The following PCMT1 variants were observed in gnomAD, a reference collection of about 807,000 sequenced individuals.
PCMT1 encodes the protein protein-L-isoaspartate (D-aspartate) O-methyltransferase, also known as protein-L-isoaspartate(D-aspartate) O-methyltransferase.
A neutral mutation model predicts 29.2 loss-of-function variants in PCMT1; 9 were observed. The ratio of observed to expected loss-of-function variants is 0.31; its 90% CI spans 0.19 to 0.54. The LOEUF is 0.54. Among genes scored for constraint, PCMT1 ranks in the 20% least tolerant of loss-of-function variants. The probability of loss-of-function intolerance (pLI) is 0.95; values close to 1 mark genes in which losing one functional copy is unlikely to be tolerated. For synonymous variants in PCMT1, 98 were observed against 97.5 expected, an observed-to-expected ratio of 1.00 and a Z score of -0.03; for missense variants, 184 against 282.2, an observed-to-expected ratio of 0.65 and a Z score of 2.49.
intron 1 of PCMT1, among the ~76,000 whole-genome samples, chr6:149,755,535 G>A (rs1228289827): frequency 6.6e-6 from 1 of 152,156 alleles, no homozygotes; most frequent in African/African-American, 2.4e-5. Context: ...TGGGTAAAGG[G>A]AAACTACTGT....
chr6:149,765,616 T>C (rs956954254), intron 1 of PCMT1: 17 of 320,506 alleles, frequency 5.3e-5, no homozygotes, highest in Non-Finnish European at 8.9e-5. Flanking sequence ...AAAGTTTGTA[T>C]TTATACCCTT....
At chr6:149,801,067 A>T (rs149218209) in intron 6 of PCMT1, among the ~76,000 whole-genome samples, 4 of 152,224 alleles carry the variant, frequency 2.6e-5, no homozygotes, top group African/African-American at 7.2e-5. Flanking sequence ...TAATATAACA[A>T]TCAAAGTATG....
chr6:149,749,825 T>A lies in PCMT1; in HGVS notation c.-77T>A, dbSNP rs1183924872. On this transcript the variant is annotated 5_prime_UTR_variant, in exon 1 of 8. Coordinates refer to ENST00000464889, the MANE Select transcript of PCMT1 (RefSeq NM_001360452.2). ...GGGGCGGTGACGGTGTGGGAGGTGG[T>A]CTCACTCTTGGGAAAACTGCTGGGC... The A allele has an allele frequency of 6.4e-7, 1 of 1,560,524 alleles. No individual in the cohort carries two copies. The highest frequency in any genetic ancestry group is 8.7e-7 in the Non-Finnish European group (1 of 1,151,794).
At chr6:149,771,127 C>T (rs371406788) in intron 1 of PCMT1, 35 bp from the exon 2 acceptor site, 11 of 1,184,496 alleles carry the variant, frequency 9.3e-6, no homozygotes, top group Non-Finnish European at 1.4e-5. Flanking sequence ...GATCATGTCT[C>T]TCTCTTCTGA....
chr6:149,784,873 A>G (rs1787957780), intron 3 of PCMT1, among the ~76,000 whole-genome samples: 1 of 152,210 alleles, frequency 6.6e-6, no homozygotes. Context: ...CATAAACTAC[A>G]ATGTCATTAT....
At chr6:149,767,944 C>T (rs1459211787) in intron 1 of PCMT1, among the ~76,000 whole-genome samples, 1 of 151,958 alleles carries the variant, frequency 6.6e-6, no homozygotes, top group Admixed American at 6.6e-5. Context: ...CAGGTGCGCA[C>T]CACCACACCC....
At chr6:149,755,774 C>T (rs1467068289) in intron 1 of PCMT1, among the ~76,000 whole-genome samples, 5 of 152,144 alleles carry the variant, frequency 3.3e-5, no homozygotes, top group African/African-American at 1.2e-4. Context: ...ACATCCACTC[C>T]CTCTTGTAGC....
chr6:149,762,943 ATATC>A lies in PCMT1; in HGVS notation c.56-8215_56-8212del, dbSNP rs530455830. Among the ~76,000 whole-genome samples, 3 of 48,768 alleles carry A rather than the reference ATATC, an allele frequency of 6.2e-5. 1 individual carries two copies. Among genetic ancestry groups the A allele is most frequent in the Non-Finnish European group, 8.6e-5 (3 of 34,688 alleles). 32.0% of individuals were successfully genotyped at this position (48,768 alleles called of 152,430 possible). ...TATATCTATGATATATATGATATATATATCTATGATATGTATATCTATGATATAT... is the reference window on the plus strand; with the variant it reads ...TATATCTATGATATATATGATATATATATGATATGTATATCTATGATATAT... On this transcript the variant is annotated intron_variant, in intron 1 of 7. Coordinates refer to ENST00000464889, the MANE Select transcript of PCMT1 (RefSeq NM_001360452.2).
At chr6:149,777,641 T>C (rs2342860) in intron 3 of PCMT1, among the ~76,000 whole-genome samples, 81,190 of 151,996 alleles carry the variant, frequency 0.53, 24,914 homozygotes, top group East Asian at 0.83. Context: ...TACATGCACA[T>C]ATATGTTTTT....
chr6:149,771,335 A>G, intron 2 of PCMT1, 69 bp downstream of exon 2: 1 of 922,148 alleles, frequency 1.1e-6, no homozygotes. Context: ...AAGTAGAAAA[A>G]GCCTGGGACA....
At chr6:149,799,907 G>T (rs1315845589) in intron 6 of PCMT1, among the ~76,000 whole-genome samples, 1 of 151,300 alleles carries the variant, frequency 6.6e-6, no homozygotes, top group African/African-American at 2.4e-5. Context: ...AAAAATGATT[G>T]GTTGGATTGG....
rs1176925067 is a variant in PCMT1 at position 149,803,026 on chromosome 6, C to T, written c.*37+610C>T. ...CGAGATTTTGACACTGCACTCCAGCCTGGGAGACAGAGCAAGGCTCTGTCT... is the reference window on the plus strand; with the variant it reads ...CGAGATTTTGACACTGCACTCCAGCTTGGGAGACAGAGCAAGGCTCTGTCT... On this transcript the variant is annotated intron_variant, in intron 7 of 7. Coordinates refer to ENST00000464889, the MANE Select transcript of PCMT1 (RefSeq NM_001360452.2). Among the ~76,000 whole-genome samples, 10 of 128,076 alleles carry T rather than the reference C, an allele frequency of 7.8e-5. No individual in the cohort carries two copies. The Admixed American group carries it at 8.6e-4, about 11-fold the overall frequency. 84.0% of individuals were successfully genotyped at this position (128,076 alleles called of 152,430 possible). A position where few individuals can be genotyped will look rare whatever the true frequency, so the allele number is the denominator to read the frequency against.
In PCMT1 at chr6:149,773,117, A is replaced by G. The variant is rs192061519; in HGVS notation, c.161-21A>G. The G allele has an allele frequency of 1.6e-3, 2,560 of 1,593,692 alleles. 1 individual carries two copies. Among genetic ancestry groups the G allele is most frequent in the Non-Finnish European group, 2.0e-3 (2,315 of 1,162,698 alleles). On this transcript the variant is annotated intron_variant, in intron 2 of 7. Coordinates refer to ENST00000464889, the MANE Select transcript of PCMT1 (RefSeq NM_001360452.2). The stretch of plus-strand genomic sequence containing the variant: ...TATTTTTACAGCTGACTGTATCAGT[A>G]GTTCTCTTCTTCTTTTGCAGGTTTC...
intron 3 of PCMT1, among the ~76,000 whole-genome samples, chr6:149,782,984 T>C (rs1787877043): frequency 6.6e-6 from 1 of 152,056 alleles, no homozygotes; most frequent in African/African-American, 2.4e-5. Flanking sequence ...AGCAAGACCC[T>C]GACTCTACAA....
intron 1 of PCMT1, among the ~76,000 whole-genome samples, chr6:149,770,756 T>G (rs1484288169): frequency 1.4e-5 from 2 of 147,984 alleles, no homozygotes; most frequent in South Asian, 4.3e-4. Flanking sequence ...GTAATCCCAG[T>G]GCTTTGGGAG....
At chr6:149,783,694 CT>C (rs1179390420) in intron 3 of PCMT1, among the ~76,000 whole-genome samples, 1 of 151,196 alleles carries the variant, frequency 6.6e-6, no homozygotes, top group African/African-American at 2.4e-5. Flanking sequence ...GGACAGGACT[CT>C]TTTTTTTTCT....
At chr6:149,803,542 TGAGA>T (rs1239573475) in intron 7 of PCMT1, among the ~76,000 whole-genome samples, 3 of 150,862 alleles carry the variant, frequency 2.0e-5, no homozygotes, top group South Asian at 2.1e-4. Flanking sequence ...CTCCCTTCCA[TGAGA>T]GAGAGTGACA....
chr6:149,784,470 T>C (rs1025695941), intron 3 of PCMT1, among the ~76,000 whole-genome samples: 15 of 151,690 alleles, frequency 9.9e-5, no homozygotes, highest in Non-Finnish European at 2.1e-4. Flanking sequence ...TTTATTTAAC[T>C]CTCTCTTTTT....
rs188751326 is a variant in PCMT1, at chr6:149,760,671, G to C, written c.56-10491G>C. 2.6e-5 allele frequency among the ~76,000 whole-genome samples: 4 copies of C among 152,258 alleles called. No homozygotes were observed. The East Asian group carries it at 7.7e-4, about 29-fold the overall frequency. Reference sequence around the variant, plus strand: ...GATCGAGACCATCTTGGCTAACACTGTGAAACCCTGTCTCTACTAAAAATA... The same window carrying C: ...GATCGAGACCATCTTGGCTAACACTCTGAAACCCTGTCTCTACTAAAAATA... On this transcript the variant is annotated intron_variant, in intron 1 of 7. Transcript: ENST00000464889.
Sources: gnomAD v4.1 joint callset for allele counts (sites outside exome capture counted in the v4.1 genomes callset) on GRCh38, gnomAD v4.1.1 for gene constraint, MANE v1.5 for transcripts, NCBI Gene and HGNC (gene_info 2026-07-23, HGNC 2026-07-21) for gene names.